TICRR: variants seen among roughly 807,000 people sequenced by gnomAD.
The protein encoded by TICRR is treslin.
In TICRR, 132 loss-of-function variants were observed where a neutral mutation model predicts 178.1. The observed-to-expected ratio is 0.74, with a 90% CI of 0.64 to 0.86. TICRR has a LOEUF of 0.86. TICRR is among the 40% of genes least tolerant of loss of function. The probability of loss-of-function intolerance (pLI) is 0.00; values close to 1 mark genes in which losing one functional copy is unlikely to be tolerated. For missense variants in TICRR, 2,587 were observed against 2,334.3 expected, an observed-to-expected ratio of 1.11 and a Z score of -2.23; for synonymous variants, 991 against 900.7, an observed-to-expected ratio of 1.10 and a Z score of -1.79.
chr15:89,609,513 C>G (rs1182812936), intron 15 of TICRR, among the ~76,000 whole-genome samples: 1 of 152,056 alleles, frequency 6.6e-6, no homozygotes, highest in East Asian at 1.9e-4. Context: ...CTCACTCTGT[C>G]TCCTGGGCTG....
rs1962754265 is a variant in TICRR at position 89,582,909 on chromosome 15, C to T, written c.878C>T (p.Pro293Leu). 1 of 1,614,022 alleles carries T rather than the reference C, an allele frequency of 6.2e-7. No individual in the cohort carries two copies. Among genetic ancestry groups the T allele is most frequent in the African/African-American group, 1.3e-5 (1 of 74,918 alleles). The change falls in exon 2 of 22, where the codon CCT becomes CTT. Residue 293 changes from proline (P) to leucine (L), a missense_variant. Physicochemically the swap from Pro to Leu is moderately conservative, Grantham distance 98. Coordinates refer to ENST00000268138, the MANE Select transcript of TICRR (RefSeq NM_152259.4). Reference protein sequence around the residue: ...ATLNRLLYNSPEYEASFPRME... With the variant: ...ATLNRLLYNSLEYEASFPRME... ...TTAAACCGTTTGCTCTACAATTCTC[C>T]TGAGTATGAGGCCTCGTTTCCACGA...
At chr15:89,617,321 A>G (rs1221961188) in intron 16 of TICRR, among the ~76,000 whole-genome samples, 3 of 152,202 alleles carry the variant, frequency 2.0e-5, no homozygotes, top group Non-Finnish European at 4.4e-5. Context: ...AGAGGCATAT[A>G]TATTTTTAAT....
Position 89,592,069 on chromosome 15 carries a change from C to G in TICRR, c.1434C>G (p.Ala478=). The change falls in exon 5 of 22, where the codon GCC becomes GCG. Residue 478 remains alanine (A), a synonymous_variant. Transcript: ENST00000268138. ...ASAASPVPEW[A]QQELGHTTPW... Reference sequence around the variant, plus strand: ...TAGCTTCTCCTGTTCCAGAGTGGGCCCAGCAGGAGCTTGGCCACACCACTC... The same window carrying G: ...TAGCTTCTCCTGTTCCAGAGTGGGCGCAGCAGGAGCTTGGCCACACCACTC... 1 of 1,611,324 alleles carries G rather than the reference C, an allele frequency of 6.2e-7. No homozygotes were observed. The highest frequency in any genetic ancestry group is 8.5e-7 in the Non-Finnish European group (1 of 1,177,816).
intron 4 of TICRR, among the ~76,000 whole-genome samples, chr15:89,586,801 G>T (rs1201538136): frequency 6.6e-6 from 1 of 152,176 alleles, no homozygotes; most frequent in Admixed American, 6.5e-5. Context: ...AAGGAGCAAG[G>T]AGAGAGTAGG....
At chr15:89,600,440 G>T in intron 8 of TICRR, 145 bp from the exon 9 acceptor site, 1 of 449,484 alleles carries the variant, frequency 2.2e-6, no homozygotes, top group Non-Finnish European at 4.0e-6. Flanking sequence ...AGATATAAAA[G>T]AAGAATATTC....
chr15:89,578,874 C>T (rs1011789365), intron 1 of TICRR, among the ~76,000 whole-genome samples: 20 of 152,092 alleles, frequency 1.3e-4, no homozygotes, highest in Admixed American at 7.2e-4. Flanking sequence ...CAAAAACCTG[C>T]CCAGCCATGC....
Position 89,602,807 on chromosome 15 carries a change from TA to T in TICRR, c.2581del (p.Ile861Ter). On this transcript the variant is annotated frameshift_variant, in exon 13 of 22. Transcript: ENST00000268138. LOFTEE classifies it high-confidence loss of function. ...TCTATTTTTAAAAGGAAAAATGCAT[TA>T]ATAAGACATAAAAGCATTGCTGAGG... is the stretch of plus-strand genomic sequence containing the variant. ...RSAKKRRKNA[L>X]IRHKSIAEVS... is the part of the protein sequence containing the mutation. 6.7e-7 allele frequency: 1 copy of T among 1,485,756 alleles called. No individual in the cohort carries two copies. Among genetic ancestry groups the T allele is most frequent in the Non-Finnish European group, 9.0e-7 (1 of 1,115,902 alleles). 92.0% of individuals were successfully genotyped at this position (1,485,756 alleles called of 1,614,324 possible).
At chr15:89,603,531 G>C (rs370820798) in intron 13 of TICRR, among the ~76,000 whole-genome samples, 2 of 152,236 alleles carry the variant, frequency 1.3e-5, no homozygotes, top group Admixed American at 6.5e-5. Flanking sequence ...GCTGCAATGA[G>C]CTATGGTCGT....
At chr15:89,591,617 T>C (rs1962913684) in intron 4 of TICRR, 1 of 152,312 alleles carries the variant, frequency 6.6e-6, no homozygotes, top group African/African-American at 2.4e-5. Context: ...TAATCCCAGC[T>C]ACTCAGGAGG....
chr15:89,599,290 A>G (rs778813644), intron 7 of TICRR, 34 bp from the exon 8 acceptor site: 2 of 1,536,552 alleles, frequency 1.3e-6, no homozygotes, highest in Non-Finnish European at 1.8e-6. Flanking sequence ...TGAGCAAGAT[A>G]TGATTAATCC....
chr15:89,599,244 C>T (rs1963052441), intron 7 of TICRR, 80 bp from the exon 8 acceptor site: 1 of 1,165,210 alleles, frequency 8.6e-7, no homozygotes, highest in Non-Finnish European at 1.2e-6. Context: ...ATATTTTCCC[C>T]AGTGGACAAC....
At position 89,575,978 on chromosome 15, in the gene TICRR, G is replaced by A. The variant is rs1468165991; in HGVS notation, c.392G>A (p.Arg131Lys). The change falls in exon 1 of 22, where the codon AGG (arginine) becomes AAG (lysine). Residue 131 changes from arginine to lysine, a missense_variant. By Grantham distance (26) the Arg-to-Lys change is conservative. Coordinates refer to ENST00000268138, the MANE Select transcript of TICRR (RefSeq NM_152259.4). ...AAGCCGATCCTGCGGAGCAGCGGGA[G>A]GAGACTGCTGGACGTGGAGAGCGAG... ...PTKPILRSSG[R>K]RLLDVESEAK... 1.2e-6 allele frequency: 2 copies of A among 1,605,444 alleles called. No individual in the cohort carries two copies. Among genetic ancestry groups the A allele is most frequent in the Non-Finnish European group, 1.7e-6 (2 of 1,177,208 alleles).
At chr15:89,604,190 AATT>A (rs1199816803) in intron 13 of TICRR, among the ~76,000 whole-genome samples, 1 of 152,246 alleles carries the variant, frequency 6.6e-6, no homozygotes, top group African/African-American at 2.4e-5. Flanking sequence ...TAGAAGCATT[AATT>A]ATTATAATAG....
At position 89,624,911 on chromosome 15, in the gene TICRR, G is replaced by A. The variant is rs751454435; in HGVS notation, c.4601G>A (p.Cys1534Tyr). 6 of 1,614,020 alleles carry A rather than the reference G, an allele frequency of 3.7e-6. No homozygotes were observed. In the African/African-American group the frequency reaches 5.3e-5, roughly 14 times the overall value. The change falls in exon 20 of 22, where the codon TGC becomes TAC. Residue 1534 changes from cysteine to tyrosine, a missense_variant. Physicochemically the swap from Cys to Tyr is radical, Grantham distance 194. Transcript: ENST00000268138. ...CACTGTACCACAGATGGGAGACAGT[G>A]CCAGGCTTCGGCACAACTAGACAAC... ...DVHCTTDGRQ[C>Y]QASAQLDNLP...
Position 89,623,901 on chromosome 15 carries a change from G to T in TICRR, c.3591G>T (p.Lys1197Asn). 6.2e-7 allele frequency: 1 copy of T among 1,613,960 alleles called. No individual in the cohort carries two copies. The highest frequency in any genetic ancestry group is 8.5e-7 in the Non-Finnish European group (1 of 1,180,008). ...SLETKTPRTP[K>N]RQGTQPPGFL... is the part of the protein sequence containing the mutation. Reference sequence around the variant, plus strand: ...AAACGAAGACACCAAGAACTCCTAAGAGGCAAGGTACTCAGCCGCCTGGGT... The same window carrying T: ...AAACGAAGACACCAAGAACTCCTAATAGGCAAGGTACTCAGCCGCCTGGGT... Residue 1197 changes from lysine (K) to asparagine (N), a missense_variant, in exon 20 of 22, where the codon AAG (lysine) becomes AAT (asparagine). By Grantham distance (94) the Lys-to-Asn change is moderately conservative (BLOSUM62 0). Transcript: ENST00000268138.
At chr15:89,612,126 G>T (rs1310797212) in intron 15 of TICRR, among the ~76,000 whole-genome samples, 1 of 152,100 alleles carries the variant, frequency 6.6e-6, no homozygotes, top group African/African-American at 2.4e-5. Context: ...ACCCCTCAGG[G>T]ATTCCTGTTC....
chr15:89,601,673 G>T, intron 11 of TICRR, 64 bp from the exon 12 acceptor site: 1 of 1,611,572 alleles, frequency 6.2e-7, no homozygotes, highest in South Asian at 1.1e-5. Flanking sequence ...TTTAGGCTGG[G>T]TGAGGGAGGG....
chr15:89,622,185 C>T (rs1277066443), intron 19 of TICRR, among the ~76,000 whole-genome samples: 1 of 151,940 alleles, frequency 6.6e-6, no homozygotes, highest in Admixed American at 6.6e-5. Context: ...GGGGTTTCAC[C>T]ATGTTGGCCA....
intron 5 of TICRR, among the ~76,000 whole-genome samples, chr15:89,592,637 C>T (rs1172344861): frequency 6.6e-6 from 1 of 151,532 alleles, no homozygotes; most frequent in African/African-American, 2.4e-5. Flanking sequence ...AAGATAACAA[C>T]AGAAATAAAT....
Sources: gnomAD v4.1 joint callset for allele counts (sites outside exome capture counted in the v4.1 genomes callset) on GRCh38, gnomAD v4.1.1 for gene constraint, MANE v1.5 for transcripts, NCBI Gene and HGNC (gene_info 2026-07-23, HGNC 2026-07-21) for gene names.